Variants in NT5C3A observed in about 807,000 individuals in gnomAD.
NT5C3A encodes the protein cytosolic 5'-nucleotidase 3A.
Under a neutral mutation model 40.0 loss-of-function variants are expected in NT5C3A, and 23 were observed. That is an observed-to-expected ratio of 0.58 (90% CI 0.41 to 0.81). The LOEUF (loss-of-function observed/expected upper bound fraction) is 0.81, where lower values mean the gene tolerates loss of function less well. NT5C3A is among the 40% of genes least tolerant of loss of function. The probability of loss-of-function intolerance (pLI) is 0.00; values close to 1 mark genes in which losing one functional copy is unlikely to be tolerated. For synonymous variants in NT5C3A, 130 were observed against 141.4 expected (o/e 0.92, Z 0.57); for missense variants, 328 against 403.0 (o/e 0.81, Z 1.59).
At chr7:33,028,076 G>T (rs972612924) in intron 1 of NT5C3A, among the ~76,000 whole-genome samples, 1 of 152,018 alleles carries the variant, frequency 6.6e-6, no homozygotes, top group Non-Finnish European at 1.5e-5. Context: ...TCTTTTTATT[G>T]TACTATTTTC....
chr7:33,017,831 T>C (rs886763043), intron 6 of NT5C3A, among the ~76,000 whole-genome samples: 3 of 152,244 alleles, frequency 2.0e-5, no homozygotes, highest in African/African-American at 4.8e-5. Flanking sequence ...AAACTAGATG[T>C]CTTTAAGCTT....
intron 3 of NT5C3A, 147 bp from the exon 4 acceptor site, chr7:33,022,246 C>T: frequency 3.2e-6 from 2 of 619,010 alleles, no homozygotes; most frequent in Non-Finnish European, 5.8e-6. Flanking sequence ...AGTCAACTAG[C>T]ATGGTTATTA....
chr7:33,057,063 T>A (rs1787599740), intron 1 of NT5C3A, among the ~76,000 whole-genome samples: 1 of 152,110 alleles, frequency 6.6e-6, no homozygotes, highest in South Asian at 2.1e-4. Context: ...TCCGCCCGCC[T>A]TGGCCTCCCA....
chr7:33,041,365 T>C (rs914408260), intron 1 of NT5C3A, among the ~76,000 whole-genome samples: 3 of 152,138 alleles, frequency 2.0e-5, no homozygotes, highest in Admixed American at 6.6e-5. Context: ...TTTTAGAAGA[T>C]GAAAAGAGTT....
chr7:33,034,911 A>AT (rs530371230), intron 1 of NT5C3A, among the ~76,000 whole-genome samples: 1 of 152,214 alleles, frequency 6.6e-6, no homozygotes, highest in East Asian at 1.9e-4. Flanking sequence ...AGAAAGGATT[A>AT]TTTTTAATTG....
chr7:33,019,775 A>C (rs757530823), intron 5 of NT5C3A, 51 bp from the exon 6 acceptor site: 2 of 963,758 alleles, frequency 2.1e-6, no homozygotes, highest in Non-Finnish European at 3.4e-6. Context: ...ACAAACTAAA[A>C]TTATTATCTT....
In NT5C3A at chr7:33,022,304, C is replaced by T. The variant is rs1785669860; in HGVS notation, c.308-205G>A. Reference sequence around the variant, plus strand: ...AATTCACATGACATTGTTAAAGAAGCTAATGGCTTAAAATCTGAGATTCAG... The same window carrying T: ...AATTCACATGACATTGTTAAAGAAGTTAATGGCTTAAAATCTGAGATTCAG... On this transcript the variant is annotated intron_variant, in intron 3 of 8. Coordinates refer to ENST00000610140, the MANE Select transcript of NT5C3A (RefSeq NM_001002010.5). 7.9e-5 allele frequency among the ~76,000 whole-genome samples: 12 copies of T among 152,136 alleles called. 1 individual carries two copies. The highest frequency in any genetic ancestry group is 7.9e-4 in the Admixed American group (12 of 15,270).
chr7:33,057,359 C>CA (rs1313711760), intron 1 of NT5C3A, among the ~76,000 whole-genome samples: 1 of 151,806 alleles, frequency 6.6e-6, no homozygotes, highest in Admixed American at 6.6e-5. Context: ...CCCATCTCTA[C>CA]AAAAAAATAC....
intron 1 of NT5C3A, among the ~76,000 whole-genome samples, chr7:33,053,605 G>A (rs549280749): frequency 6.6e-6 from 1 of 152,206 alleles, no homozygotes; most frequent in South Asian, 2.1e-4. Context: ...AGGTTGCAAT[G>A]AGCTATGATT....
At chr7:33,019,084 T>C (rs886426679) in intron 6 of NT5C3A, among the ~76,000 whole-genome samples, 1 of 151,942 alleles carries the variant, frequency 6.6e-6, no homozygotes, top group Non-Finnish European at 1.5e-5. Context: ...TGAAATCCCA[T>C]CTTTACAAAA....
intron 1 of NT5C3A, among the ~76,000 whole-genome samples, chr7:33,030,362 T>C (rs1453263192): frequency 6.6e-6 from 1 of 152,232 alleles, no homozygotes; most frequent in Non-Finnish European, 1.5e-5. Context: ...CTTCTGTCTA[T>C]ATCCCTCTTA....
chr7:33,047,424 G>C (rs1309825744), intron 1 of NT5C3A, among the ~76,000 whole-genome samples: 3 of 152,170 alleles, frequency 2.0e-5, no homozygotes, highest in East Asian at 3.8e-4. Flanking sequence ...TTAAATTCAT[G>C]AATTAATAGT....
At chr7:33,033,119 T>C (rs1786374733) in intron 1 of NT5C3A, among the ~76,000 whole-genome samples, 1 of 152,202 alleles carries the variant, frequency 6.6e-6, no homozygotes, top group Admixed American at 6.5e-5. Flanking sequence ...TAAAAATTAG[T>C]TTGAATCACT....
At chr7:33,017,394 TA>T (rs1185593528) in intron 7 of NT5C3A, 44 bp downstream of exon 7, 1 of 1,431,560 alleles carries the variant, frequency 7.0e-7, no homozygotes, top group African/African-American at 1.4e-5. Context: ...ATGATTAAAA[TA>T]TTTTCAGATT....
intron 1 of NT5C3A, among the ~76,000 whole-genome samples, chr7:33,055,495 G>T (rs1787535099): frequency 6.6e-6 from 1 of 152,130 alleles, no homozygotes; most frequent in African/African-American, 2.4e-5. Context: ...CTTACATAAG[G>T]GTAGCCATAT....
At chr7:33,021,087 A>G (rs1234958504) in intron 5 of NT5C3A, among the ~76,000 whole-genome samples, 185 bp downstream of exon 5, 6 of 152,252 alleles carry the variant, frequency 3.9e-5, no homozygotes, top group South Asian at 2.1e-4. Context: ...TAAACAAAAC[A>G]AAAGGATTCC....
At chr7:33,033,750 A>T (rs1413693406) in intron 1 of NT5C3A, among the ~76,000 whole-genome samples, 1 of 152,028 alleles carries the variant, frequency 6.6e-6, no homozygotes, top group Non-Finnish European at 1.5e-5. Context: ...AAAGAGAAAT[A>T]GCTCTGTTTG....
rs1785244368 is a variant in NT5C3A at position 33,014,955 on chromosome 7, CT to C, written c.895-125del. The C allele has an allele frequency of 1.1e-5, 9 of 848,078 alleles. No homozygotes were observed. In the South Asian group the frequency reaches 1.4e-4, roughly 13 times the overall value. The allele number at this position is 848,078 out of a possible 1,614,324, so 52.5% of individuals were successfully genotyped here. A position where few individuals can be genotyped will look rare whatever the true frequency, so the allele number is the denominator to read the frequency against. On this transcript the variant is annotated intron_variant, in intron 8 of 8. Transcript: ENST00000610140. ...TAAATTAAATTCACTTTCAAAAAAT[CT>C]TTGAAATGAAGAAATATTTTCAAAT...
intron 1 of NT5C3A, among the ~76,000 whole-genome samples, chr7:33,060,886 T>A (rs562499890): frequency 2.0e-5 from 3 of 152,216 alleles, no homozygotes; most frequent in Non-Finnish European, 2.9e-5. Flanking sequence ...TTTTCACTTT[T>A]TCCATTGAAA....
Sources: allele counts gnomAD v4.1 joint callset (sites outside exome capture counted in the v4.1 genomes callset), GRCh38; gene constraint gnomAD v4.1.1; transcripts MANE v1.5; gene names NCBI Gene and HGNC (gene_info 2026-07-23, HGNC 2026-07-21).